TTPAL: variants seen among roughly 807,000 people sequenced by gnomAD.
The protein encoded by TTPAL is alpha tocopherol transfer protein like, also known as alpha-tocopherol transfer protein-like.
Under a neutral mutation model 28.7 loss-of-function variants are expected in TTPAL, and 21 were observed. The ratio of observed to expected loss-of-function variants is 0.73; its 90% CI spans 0.52 to 1.06. The LOEUF is 1.06. Among genes scored for constraint, TTPAL ranks in the 50% least tolerant of loss-of-function variants. The pLI, the probability that TTPAL is intolerant of heterozygous loss-of-function variation, is 0.00. For missense variants in TTPAL, 345 were observed against 425.5 expected, an observed-to-expected ratio of 0.81 and a Z score of 1.67; for synonymous variants, 169 against 171.9, an observed-to-expected ratio of 0.98 and a Z score of 0.13.
intron 1 of TTPAL, among the ~76,000 whole-genome samples, chr20:44,476,411 G>T (rs2064044108): frequency 2.0e-5 from 3 of 152,230 alleles, no homozygotes; most frequent in Admixed American, 2.0e-4. Context: ...GAAGCTCCAG[G>T]TGGAGGGTAC....
At chr20:44,486,425 A>C (rs2064152464) in intron 3 of TTPAL, 171 bp from the exon 4 acceptor site, 1 of 506,432 alleles carries the variant, frequency 2.0e-6, no homozygotes, top group South Asian at 2.9e-5. Flanking sequence ...CCCAGGAAAG[A>C]CTTTCCCTGA....
chr20:44,487,471 T>A (rs182712195), intron 4 of TTPAL, among the ~76,000 whole-genome samples: 211 of 152,282 alleles, frequency 1.4e-3, no homozygotes, highest in African/African-American at 4.9e-3. Context: ...AAATTTTTTT[T>A]AAGTTATGGT....
Position 44,489,703 on chromosome 20 carries a change from CT to C in TTPAL, c.*165del, listed in dbSNP as rs1183482558. The C allele has an allele frequency of 2.8e-6, 2 of 709,696 alleles. No homozygotes were observed. The highest frequency in any genetic ancestry group is 4.5e-6 in the Non-Finnish European group (2 of 441,076). The allele number at this position is 709,696 out of a possible 1,614,324, so 44.0% of individuals were successfully genotyped here. On this transcript the variant is annotated 3_prime_UTR_variant, in exon 5 of 5. Coordinates refer to ENST00000262605, the MANE Select transcript of TTPAL (RefSeq NM_001039199.3). The stretch of plus-strand genomic sequence containing the variant: ...AGCATGAGCCCATTTTGGGGTAAGC[CT>C]TTGGTTACTTTAATTACTCCATGGA...
chr20:44,478,177 G>A (rs2064063615), intron 1 of TTPAL, among the ~76,000 whole-genome samples: 2 of 152,196 alleles, frequency 1.3e-5, no homozygotes, highest in South Asian at 4.1e-4. Context: ...ACTAGGATGA[G>A]GTTAGACGTG....
Position 44,490,633 on chromosome 20 carries a change from T to G in TTPAL, c.*1092T>G, listed in dbSNP as rs939739449. On this transcript the variant is annotated 3_prime_UTR_variant, in exon 5 of 5. Transcript: ENST00000262605. ...GGGACTCACTGACACCAATTTTCTTTTTATAGTGATGGTTCAATTTTGAAA... is the reference window on the plus strand; with the variant it reads ...GGGACTCACTGACACCAATTTTCTTGTTATAGTGATGGTTCAATTTTGAAA... 6.6e-6 allele frequency: 1 copy of G among 152,322 alleles called. No homozygotes were observed. The highest frequency in any genetic ancestry group is 2.4e-5 in the African/African-American group (1 of 41,428). The allele number at this position is 152,322 out of a possible 1,614,324, so 9.4% of individuals were successfully genotyped here. A position where few individuals can be genotyped will look rare whatever the true frequency, so the allele number is the denominator to read the frequency against.
intron 1 of TTPAL, among the ~76,000 whole-genome samples, chr20:44,476,801 T>C (rs1197128208): frequency 1.3e-5 from 2 of 152,270 alleles, no homozygotes; most frequent in Non-Finnish European, 1.5e-5. Flanking sequence ...TGTTTGCGTC[T>C]GTGTTCCCAG....
Position 44,475,890 on chromosome 20 carries a change from G to GAGGCCGGGCAGGCCGGGC in TTPAL, c.-113_-96dup, listed in dbSNP as rs542264871. ...CCCTGGATCGTCACTTCCGGCGCGAGAGGCCGGGCAGGCCGGGCAGGGAGT... is the reference window on the plus strand; with the variant it reads ...CCCTGGATCGTCACTTCCGGCGCGAGAGGCCGGGCAGGCCGGGCAGGCCGGGCAGGCCGGGCAGGGAGT... On this transcript the variant is annotated 5_prime_UTR_variant, in exon 1 of 5. Transcript: ENST00000262605. 6.6e-6 allele frequency: 1 copy of GAGGCCGGGCAGGCCGGGC among 152,276 alleles called. No individual in the cohort carries two copies. The highest frequency in any genetic ancestry group is 1.9e-4 in the East Asian group (1 of 5,186). The allele number at this position is 152,276 out of a possible 1,614,324, so 9.4% of individuals were successfully genotyped here. A position where few individuals can be genotyped will look rare whatever the true frequency, so the allele number is the denominator to read the frequency against.
intron 3 of TTPAL, 55 bp downstream of exon 3, chr20:44,484,585 C>A: frequency 7.2e-7 from 1 of 1,394,062 alleles, no homozygotes. Flanking sequence ...TTCCCCAGGG[C>A]CTGTCCATTT....
intron 3 of TTPAL, chr20:44,485,810 C>T (rs2064146631): frequency 1.3e-5 from 2 of 152,184 alleles, no homozygotes; most frequent in Admixed American, 1.3e-4. Flanking sequence ...TGCTGTATAG[C>T]ATGTCCCTTT....
chr20:44,480,130 G>C lies in TTPAL; in HGVS notation c.131G>C (p.Arg44Pro). 6.2e-7 allele frequency: 1 copy of C among 1,614,152 alleles called. No individual in the cohort carries two copies. Among genetic ancestry groups the C allele is most frequent in the Non-Finnish European group, 8.5e-7 (1 of 1,180,020 alleles). The change falls in exon 2 of 5, where the codon CGG (arginine) becomes CCG (proline). Residue 44 changes from arginine to proline, a missense_variant. Physicochemically the swap from Arg to Pro is moderately radical, Grantham distance 103. Coordinates refer to ENST00000262605, the MANE Select transcript of TTPAL (RefSeq NM_001039199.3). The surrounding 1 kb of genome is among the most constrained non-coding windows in gnomAD (Gnocchi z 4.1). Reference sequence around the variant, plus strand: ...ACAGAAGACCTGGTCACCAAAGCCCGGGAAGAGCTGCAGGAAAAGCCGGAA... The same window carrying C: ...ACAGAAGACCTGGTCACCAAAGCCCCGGAAGAGCTGCAGGAAAAGCCGGAA... ...SLTEDLVTKA[R>P]EELQEKPEWR...
intron 1 of TTPAL, among the ~76,000 whole-genome samples, chr20:44,479,760 T>C (rs984613465): frequency 3.3e-5 from 5 of 151,848 alleles, no homozygotes; most frequent in Non-Finnish European, 7.4e-5. Flanking sequence ...TATTAGGGAG[T>C]GTATAGTCTG....
rs749860840 is a variant in TTPAL at position 44,491,075 on chromosome 20, CAAAAAAAAA to C, written c.*1550_*1558del. ...TGGGCGACAGAGCAAGACTCTGCCT[CAAAAAAAAA>C]AAAAAAAAAAAAAAATTTTTTTTTT... On this transcript the variant is annotated 3_prime_UTR_variant, in exon 5 of 5. Coordinates refer to ENST00000262605, the MANE Select transcript of TTPAL (RefSeq NM_001039199.3). 1.1e-4 allele frequency: 6 copies of C among 55,998 alleles called. No homozygotes were observed. The highest frequency in any genetic ancestry group is 2.0e-4 in the Non-Finnish European group (6 of 29,520). The allele number at this position is 55,998 out of a possible 1,614,324, so 3.5% of individuals were successfully genotyped here. A position where few individuals can be genotyped will look rare whatever the true frequency, so the allele number is the denominator to read the frequency against.
In TTPAL at chr20:44,480,372, C is replaced by G. The variant is rs777679223; in HGVS notation, c.373C>G (p.Leu125Val). The change falls in exon 2 of 5, where the codon CTT becomes GTT. Residue 125 changes from leucine (L) to valine (V), a missense_variant. Physicochemically the swap from Leu to Val is conservative, Grantham distance 32. Coordinates refer to ENST00000262605, the MANE Select transcript of TTPAL (RefSeq NM_001039199.3). This position sits in a 1 kb window ranked among gnomAD's most constrained non-coding sequence, Gnocchi z 4.1. Reference protein sequence around the residue: ...NLKPSALKDVLASGFLTVLPH... With the variant: ...NLKPSALKDVVASGFLTVLPH... ...GAAGCCATCAGCCTTAAAAGATGTC[C>G]TTGCTTCCGGGTTCCTCACCGTGCT... The G allele has an allele frequency of 8.1e-6, 13 of 1,614,094 alleles. No homozygotes were observed. Among genetic ancestry groups the G allele is most frequent in the Non-Finnish European group, 1.1e-5 (13 of 1,179,968 alleles).
At position 44,480,522 on chromosome 20, in the gene TTPAL, C is replaced by T; in HGVS notation, c.445+78C>T. On this transcript the variant is annotated intron_variant, in intron 2 of 4. Transcript: ENST00000262605. This position sits in a 1 kb window ranked among gnomAD's most constrained non-coding sequence, Gnocchi z 4.1. Reference sequence around the variant, plus strand: ...TCCATTCAGCACCCTGTCCTCCTTTCCAAGTCCCTTTTTTACCCCTCCTTT... The same window carrying T: ...TCCATTCAGCACCCTGTCCTCCTTTTCAAGTCCCTTTTTTACCCCTCCTTT... 7.2e-7 allele frequency: 1 copy of T among 1,397,780 alleles called. No homozygotes were observed. The highest frequency in any genetic ancestry group is 9.6e-7 in the Non-Finnish European group (1 of 1,038,356). 86.6% of individuals were successfully genotyped at this position (1,397,780 alleles called of 1,614,324 possible). A position where few individuals can be genotyped will look rare whatever the true frequency, so the allele number is the denominator to read the frequency against.
chr20:44,491,162 G>C lies in TTPAL; in HGVS notation c.*1621G>C, dbSNP rs576682874. On this transcript the variant is annotated 3_prime_UTR_variant, in exon 5 of 5. Transcript: ENST00000262605. Reference sequence around the variant, plus strand: ...CAGGTTATTCCTGGGTCACTTCTGGGCCCCCCTGCCCTCCCAGCCCCACTT... The same window carrying C: ...CAGGTTATTCCTGGGTCACTTCTGGCCCCCCCTGCCCTCCCAGCCCCACTT... The C allele has an allele frequency of 9.3e-5, 14 of 151,152 alleles. No individual in the cohort carries two copies. The highest frequency in any genetic ancestry group is 8.6e-4 in the Admixed American group (13 of 15,146). 9.4% of individuals were successfully genotyped at this position (151,152 alleles called of 1,614,324 possible).
At chr20:44,487,739 G>C (rs1453513609) in intron 4 of TTPAL, among the ~76,000 whole-genome samples, 3 of 152,160 alleles carry the variant, frequency 2.0e-5, no homozygotes, top group Non-Finnish European at 4.4e-5. Flanking sequence ...GCCTAGGAAG[G>C]TCACTGCAAA....
chr20:44,492,055 G>C lies in TTPAL; in HGVS notation c.*2514G>C, dbSNP rs1010016630. 3.9e-5 allele frequency: 6 copies of C among 152,306 alleles called. No homozygotes were observed. The highest frequency in any genetic ancestry group is 3.9e-4 in the Admixed American group (6 of 15,274). The allele number at this position is 152,306 out of a possible 1,614,324, so 9.4% of individuals were successfully genotyped here. On this transcript the variant is annotated 3_prime_UTR_variant, in exon 5 of 5. Transcript: ENST00000262605. ...AAGGAGTTGGAGCCTAAGTTTATCT[G>C]CCTCCGGGAGCTGCTTGCTTTGTTT...
rs1483070810 is a variant in TTPAL, at chr20:44,492,508, T to C, written c.*2967T>C. On this transcript the variant is annotated 3_prime_UTR_variant, in exon 5 of 5. Transcript: ENST00000262605. ...TGAGTGATTCCATGATAGAGATCTA[T>C]ACTCCAAACTTTATTCCTGGTATCT... 6.6e-6 allele frequency: 1 copy of C among 152,264 alleles called. No individual in the cohort carries two copies. The highest frequency in any genetic ancestry group is 6.6e-5 in the Admixed American group (1 of 15,262). 9.4% of individuals were successfully genotyped at this position (152,264 alleles called of 1,614,324 possible).
chr20:44,480,667 C>T lies in TTPAL; in HGVS notation c.445+223C>T, dbSNP rs2064095895. ...CCTCCCAGAACCAGAGAGCTGAAGG[C>T]GTGGCAGCTTTTACTAGGGCCTAGA... On this transcript the variant is annotated intron_variant, in intron 2 of 4. Transcript: ENST00000262605. The surrounding 1 kb of genome is among the most constrained non-coding windows in gnomAD (Gnocchi z 4.1). Among the ~76,000 whole-genome samples the T allele has an allele frequency of 6.6e-6, 1 of 152,188 alleles. No individual in the cohort carries two copies. Among genetic ancestry groups the T allele is most frequent in the Admixed American group, 6.5e-5 (1 of 15,276 alleles).
Sources: gnomAD v4.1 joint callset for allele counts (sites outside exome capture counted in the v4.1 genomes callset) on GRCh38, gnomAD v4.1.1 for gene constraint, Gnocchi (gnomAD v3.1) non-coding constraint, MANE v1.5 for transcripts, NCBI Gene and HGNC (gene_info 2026-07-23, HGNC 2026-07-21) for gene names.